Variants in TARDBP observed in about 807,000 individuals in gnomAD.
The protein encoded by TARDBP is TAR DNA binding protein, also known as TAR DNA-binding protein 43.
TARDBP carries 4 observed loss-of-function variants against 38.3 expected under a neutral mutation model. The ratio of observed to expected loss-of-function variants is 0.10; its 90% CI spans 0.05 to 0.24. The LOEUF is 0.24. Among genes scored for constraint, TARDBP ranks in the 10% least tolerant of loss-of-function variants. The pLI, the probability that TARDBP is intolerant of heterozygous loss-of-function variation, is 1.00. For synonymous variants in TARDBP, 184 were observed against 183.8 expected, an observed-to-expected ratio of 1.00 and a Z score of -0.01; for missense variants, 202 against 521.9, an observed-to-expected ratio of 0.39 and a Z score of 5.97.
chr1:11,019,157 A>T (rs140805027), intron 4 of TARDBP: 3 of 438,436 alleles, frequency 6.8e-6, no homozygotes, highest in Non-Finnish European at 1.3e-5. Context: ...TTTCTTACAT[A>T]GTTATATGTT....
In TARDBP at chr1:11,022,031, T is replaced by C; in HGVS notation, c.715-93T>C. On this transcript the variant is annotated intron_variant, in intron 5 of 5. Transcript: ENST00000240185. The surrounding 1 kb of genome is among the most constrained non-coding windows in gnomAD (Gnocchi z 4.5). ...TGCTTATTTTTCCTCTGGCTTTAGA[T>C]AAATTAATGCTTGTAATCTAAGTTT... 6.8e-7 allele frequency: 1 copy of C among 1,468,680 alleles called. No homozygotes were observed. The highest frequency in any genetic ancestry group is 1.2e-5 in the South Asian group (1 of 85,310). The allele number at this position is 1,468,680 out of a possible 1,614,324, so 91.0% of individuals were successfully genotyped here.
intron 2 of TARDBP, among the ~76,000 whole-genome samples, chr1:11,014,194 CTT>C (rs1338421152): frequency 6.6e-6 from 1 of 152,154 alleles, no homozygotes; most frequent in Non-Finnish European, 1.5e-5. Context: ...TCTGAATAAA[CTT>C]TGCCAAGTTG....
intron 3 of TARDBP, among the ~76,000 whole-genome samples, chr1:11,018,219 C>T (rs900492246): frequency 7.9e-5 from 12 of 151,508 alleles, no homozygotes; most frequent in Admixed American, 7.9e-4. Context: ...CAGGGTCTGG[C>T]TCTGTCAGTC....
rs1432757364 is a variant in TARDBP at position 11,023,187 on chromosome 1, C to T, written c.*533C>T. On this transcript the variant is annotated 3_prime_UTR_variant, in exon 6 of 6. Transcript: ENST00000240185. ...ACAATATGAAGCCTTCATTTAATCT[C>T]TGCAGTTCATCTCATTTCAAATGTT... 7.7e-6 allele frequency: 12 copies of T among 1,550,364 alleles called. No individual in the cohort carries two copies. Among genetic ancestry groups the T allele is most frequent in the South Asian group, 1.2e-5 (1 of 84,054 alleles).
rs911938685 is a variant in TARDBP at position 11,025,120 on chromosome 1, A to G, written c.*2466A>G. Reference sequence around the variant, plus strand: ...AATTTTGCATTTTAGCACTTGCACTATTACTCAGCAGCAGTAACATGGTAA... The same window carrying G: ...AATTTTGCATTTTAGCACTTGCACTGTTACTCAGCAGCAGTAACATGGTAA... On this transcript the variant is annotated 3_prime_UTR_variant, in exon 6 of 6. Transcript: ENST00000240185. 1 of 152,492 alleles carries G rather than the reference A, an allele frequency of 6.6e-6. No individual in the cohort carries two copies. Among genetic ancestry groups the G allele is most frequent in the Admixed American group, 6.6e-5 (1 of 15,254 alleles). 9.4% of individuals were successfully genotyped at this position (152,492 alleles called of 1,614,324 possible).
Position 11,013,699 on chromosome 1 carries a change from A to C in TARDBP, c.-12-17A>C, listed in dbSNP as rs1378750997. On this transcript the variant is annotated splice_polypyrimidine_tract_variant and intron_variant, in intron 1 of 5. Coordinates refer to ENST00000240185, the MANE Select transcript of TARDBP (RefSeq NM_007375.4). ...TCTGACATGAATGTTGTTCATTCAT[A>C]TCTCTTTTCTCTTTAGGAAAAGTAA... 1 of 1,554,660 alleles carries C rather than the reference A, an allele frequency of 6.4e-7. No individual in the cohort carries two copies. The highest frequency in any genetic ancestry group is 8.8e-7 in the Non-Finnish European group (1 of 1,135,100).
chr1:11,019,902 T>C (rs1049899283), intron 4 of TARDBP, among the ~76,000 whole-genome samples: 3 of 148,920 alleles, frequency 2.0e-5, no homozygotes, highest in African/African-American at 7.5e-5. Flanking sequence ...TTCACTCTTA[T>C]TGCTCAGGCT....
downstream of TARDBP, among the ~76,000 whole-genome samples, chr1:11,028,057 A>G (rs2100869154): frequency 6.6e-6 from 1 of 152,196 alleles, no homozygotes; most frequent in African/African-American, 2.4e-5. Context: ...CCCTGTCTCT[A>G]CTACATACAC....
At chr1:11,027,783 A>C (rs1293157567), downstream of TARDBP, 2 of 814,232 alleles carry the variant, frequency 2.5e-6, no homozygotes, top group Non-Finnish European at 1.9e-6. Flanking sequence ...GTGACTACCT[A>C]TACAGGCAAG....
intron 4 of TARDBP, 56 bp downstream of exon 4, chr1:11,018,929 A>G: frequency 1.2e-6 from 2 of 1,611,074 alleles, no homozygotes; most frequent in Non-Finnish European, 8.5e-7. Context: ...AGAGGATTGT[A>G]AGATAAAATG....
At chr1:11,030,197 A>G (rs770747868), downstream of TARDBP, 41 of 1,613,180 alleles carry the variant, frequency 2.5e-5, no homozygotes, top group Non-Finnish European at 3.4e-5. Context: ...ACTGGGAGTG[A>G]TTTTTCTCCT....
At chr1:11,018,947 C>G in intron 4 of TARDBP, 74 bp downstream of exon 4, 1 of 1,603,812 alleles carries the variant, frequency 6.2e-7, no homozygotes, top group Non-Finnish European at 8.5e-7. Flanking sequence ...ATGTTAAACA[C>G]ACTTAGAAAA....
At chr1:11,030,449 G>C, downstream of TARDBP, 1 of 584,870 alleles carries the variant, frequency 1.7e-6, no homozygotes, top group South Asian at 2.1e-5. Context: ...CCTTTTAGAT[G>C]TGTAACTTGA....
At chr1:11,014,116 A>G (rs1643468602) in intron 2 of TARDBP, 151 bp downstream of exon 2, 9 of 820,812 alleles carry the variant, frequency 1.1e-5, no homozygotes, top group Non-Finnish European at 1.9e-5. Flanking sequence ...GAAGACCACG[A>G]GTCTAAATTT....
intron 2 of TARDBP, among the ~76,000 whole-genome samples, chr1:11,015,008 G>A (rs1168380643): frequency 2.6e-5 from 4 of 152,028 alleles, no homozygotes; most frequent in Admixed American, 2.6e-4. Flanking sequence ...TCTGGAGGCT[G>A]AGGCAGGAGA....
Position 11,018,741 on chromosome 1 carries a change from A to G in TARDBP, c.411A>G (p.Lys137=), listed in dbSNP as rs766028449. 39 of 1,614,204 alleles carry G rather than the reference A, an allele frequency of 2.4e-5. No individual in the cohort carries two copies. Among genetic ancestry groups the G allele is most frequent in the Non-Finnish European group, 3.3e-5 (39 of 1,180,044 alleles). Residue 137 remains lysine (K), a synonymous_variant, in exon 4 of 6, where the codon AAA becomes AAG. Transcript: ENST00000240185. ...TGTATCATCCTTTCTAGGTCAAGAAAGATCTTAAGACTGGTCATTCAAAGG... is the reference window on the plus strand; with the variant it reads ...TGTATCATCCTTTCTAGGTCAAGAAGGATCTTAAGACTGGTCATTCAAAGG... ...FGEVLMVQVK[K]DLKTGHSKGF... is the part of the protein sequence containing the mutation.
At chr1:11,027,607 C>T, downstream of TARDBP, 1 of 1,614,004 alleles carries the variant, frequency 6.2e-7, no homozygotes, top group South Asian at 1.1e-5. Context: ...TTTTGCCCTC[C>T]ATATATACGC....
intron 3 of TARDBP, among the ~76,000 whole-genome samples, chr1:11,017,215 T>C (rs1167724304): frequency 6.6e-6 from 1 of 150,888 alleles, no homozygotes; most frequent in Non-Finnish European, 1.5e-5. Flanking sequence ...TTTTTTTTTT[T>C]TTTTTGGAGA....
chr1:11,014,436 T>C (rs1425958060), intron 2 of TARDBP, among the ~76,000 whole-genome samples: 1 of 152,352 alleles, frequency 6.6e-6, no homozygotes, highest in South Asian at 2.1e-4. Context: ...GTCTTATCCT[T>C]CTCTCTGCCT....
Sources: gnomAD v4.1 joint callset for allele counts (sites outside exome capture counted in the v4.1 genomes callset) on GRCh38, gnomAD v4.1.1 for gene constraint, Gnocchi (gnomAD v3.1) non-coding constraint, MANE v1.5 for transcripts, NCBI Gene and HGNC (gene_info 2026-07-23, HGNC 2026-07-21) for gene names.